The following ARHGAP15 variants were observed in gnomAD, a reference collection of about 807,000 sequenced individuals.
ARHGAP15 encodes rho GTPase-activating protein 15.
ARHGAP15 carries 51 observed loss-of-function variants against 63.7 expected under a neutral mutation model. The observed-to-expected ratio is 0.80, with a 90% CI of 0.64 to 1.01. The LOEUF (loss-of-function observed/expected upper bound fraction) is 1.01. Ranked by LOEUF, ARHGAP15 falls within the 50% of genes least tolerant of loss-of-function variation. The probability of loss-of-function intolerance (pLI) is 0.00; values close to 1 mark genes in which losing one functional copy is unlikely to be tolerated. For missense variants in ARHGAP15, 560 were observed against 564.6 expected (o/e 0.99, Z 0.08); for synonymous variants, 191 against 193.8 (o/e 0.99, Z 0.12).
intron 11 of ARHGAP15, among the ~76,000 whole-genome samples, chr2:143,561,361 T>C (rs1696010851): frequency 1.3e-5 from 2 of 152,158 alleles, no homozygotes; most frequent in South Asian, 4.1e-4. Flanking sequence ...CATGAGCCAA[T>C]GGGAGAGCTA....
intron 6 of ARHGAP15, among the ~76,000 whole-genome samples, chr2:143,272,545 C>G (rs1246980227): frequency 6.6e-6 from 1 of 151,948 alleles, no homozygotes; most frequent in Non-Finnish European, 1.5e-5. Flanking sequence ...CCCAGGTATT[C>G]GGGAGGCTGA....
At chr2:143,438,782 G>C (rs1689729175) in intron 8 of ARHGAP15, among the ~76,000 whole-genome samples, 2 of 152,114 alleles carry the variant, frequency 1.3e-5, no homozygotes. Flanking sequence ...TTGGGATTCA[G>C]TTGGGAGTAT....
At chr2:143,512,232 C>T (rs1216172225) in intron 9 of ARHGAP15, among the ~76,000 whole-genome samples, 4 of 152,192 alleles carry the variant, frequency 2.6e-5, no homozygotes, top group Non-Finnish European at 4.4e-5. Flanking sequence ...TAATATCTCT[C>T]ATAAAAAGAG....
intron 12 of ARHGAP15, among the ~76,000 whole-genome samples, chr2:143,656,825 T>C (rs1681459316): frequency 6.6e-6 from 1 of 152,112 alleles, no homozygotes; most frequent in South Asian, 2.1e-4. Context: ...ACTCCTCCTC[T>C]TCAGGACATT....
intron 9 of ARHGAP15, among the ~76,000 whole-genome samples, chr2:143,497,247 C>T (rs1320094681): frequency 6.6e-6 from 1 of 152,162 alleles, no homozygotes; most frequent in African/African-American, 2.4e-5. Flanking sequence ...GATGTGCTCT[C>T]GAAAGCATAT....
At chr2:143,575,613 T>A (rs1574653829) in intron 11 of ARHGAP15, among the ~76,000 whole-genome samples, 3 of 152,184 alleles carry the variant, frequency 2.0e-5, no homozygotes, top group Non-Finnish European at 4.4e-5. Context: ...AATGCAGACT[T>A]TTCATTTTCA....
intron 3 of ARHGAP15, among the ~76,000 whole-genome samples, chr2:143,211,664 C>G (rs1349218792): frequency 6.6e-6 from 1 of 152,120 alleles, no homozygotes; most frequent in Non-Finnish European, 1.5e-5. Context: ...GGTGATGCTA[C>G]TTTAAAGGGA....
At chr2:143,444,781 T>C (rs1268638323) in intron 8 of ARHGAP15, among the ~76,000 whole-genome samples, 2 of 152,278 alleles carry the variant, frequency 1.3e-5, no homozygotes, top group East Asian at 1.9e-4. Flanking sequence ...AAATCAGATA[T>C]TGCTTTCACC....
chr2:143,629,186 C>A (rs1208755983), intron 12 of ARHGAP15, among the ~76,000 whole-genome samples: 9 of 145,666 alleles, frequency 6.2e-5, no homozygotes, highest in African/African-American at 1.5e-4. Flanking sequence ...CTTTTTGGAC[C>A]AAAAAAAAAA....
intron 10 of ARHGAP15, chr2:143,533,415 T>C (rs1450064782): frequency 6.6e-6 from 1 of 152,188 alleles, no homozygotes; most frequent in Non-Finnish European, 1.5e-5. Context: ...CATTACTCCA[T>C]GATGTCACCT....
chr2:143,296,308 C>T (rs1682631058), intron 6 of ARHGAP15, among the ~76,000 whole-genome samples: 1 of 152,010 alleles, frequency 6.6e-6, no homozygotes, highest in African/African-American at 2.4e-5. Context: ...CAAGGAATGG[C>T]ACAGAGAAGA....
At chr2:143,534,316 C>G (rs769225594) in intron 10 of ARHGAP15, among the ~76,000 whole-genome samples, 1 of 152,194 alleles carries the variant, frequency 6.6e-6, no homozygotes, top group Non-Finnish European at 1.5e-5. Flanking sequence ...CCATGCTGAA[C>G]TGTGAGTCAA....
chr2:143,134,948 C>T lies in ARHGAP15; in HGVS notation c.-15+5482C>T, dbSNP rs529049924. 5.3e-5 allele frequency among the ~76,000 whole-genome samples: 8 copies of T among 152,094 alleles called. No homozygotes were observed. The East Asian group carries it at 1.5e-3, about 29-fold the overall frequency. ...GCGCGCCCAGCCTAAATGCTGTATT[C>T]CTTTTCTAAAGCTTGAAATAGACAG... is the stretch of plus-strand genomic sequence containing the variant. On this transcript the variant is annotated intron_variant, in intron 1 of 13. Coordinates refer to ENST00000295095, the MANE Select transcript of ARHGAP15 (RefSeq NM_018460.4).
At chr2:143,472,816 CT>C (rs1558995157) in intron 8 of ARHGAP15, among the ~76,000 whole-genome samples, 1 of 152,110 alleles carries the variant, frequency 6.6e-6, no homozygotes, top group African/African-American at 2.4e-5. Flanking sequence ...GCACCAAGAT[CT>C]TTTTATCCTT....
chr2:143,685,019 CAAATA>C (rs956848015), intron 12 of ARHGAP15, among the ~76,000 whole-genome samples: 3 of 152,142 alleles, frequency 2.0e-5, no homozygotes, highest in South Asian at 2.1e-4. Context: ...TTGTCACAGC[CAAATA>C]AAATGTCAAA....
intron 12 of ARHGAP15, 67 bp from the exon 13 acceptor site, chr2:143,703,352 T>C: frequency 7.5e-7 from 1 of 1,330,042 alleles, no homozygotes; most frequent in Non-Finnish European, 1.0e-6. Flanking sequence ...CAAGAAAATT[T>C]TCTCATGTAC....
chr2:143,495,576 T>C (rs1692779609), intron 9 of ARHGAP15, among the ~76,000 whole-genome samples: 1 of 152,154 alleles, frequency 6.6e-6, no homozygotes. Flanking sequence ...AATAATGTCT[T>C]TGAAAAATTA....
rs760754625 is a variant in ARHGAP15 at position 143,286,194 on chromosome 2, T to G, written c.474+35594T>G. Among the ~76,000 whole-genome samples the G allele has an allele frequency of 1.1e-4, 16 of 152,324 alleles. 1 individual carries two copies. The South Asian group carries it at 1.9e-3, about 18-fold the overall frequency. ...TTGTGAAAAGTGGTGTTATTGTACT[T>G]TTAATGATGAGAAGAGTCTCCTGGA... On this transcript the variant is annotated intron_variant, in intron 6 of 13. Coordinates refer to ENST00000295095, the MANE Select transcript of ARHGAP15 (RefSeq NM_018460.4).
At chr2:143,594,064 A>G (rs1417729418) in intron 11 of ARHGAP15, among the ~76,000 whole-genome samples, 1 of 152,142 alleles carries the variant, frequency 6.6e-6, no homozygotes, top group African/African-American at 2.4e-5. Flanking sequence ...TAAAATACAT[A>G]TATATGTGTG....
Sources: gnomAD v4.1 joint callset for allele counts (sites outside exome capture counted in the v4.1 genomes callset) on GRCh38, gnomAD v4.1.1 for gene constraint, MANE v1.5 for transcripts, NCBI Gene and HGNC (gene_info 2026-07-23, HGNC 2026-07-21) for gene names.